SNRPD1: variants seen among roughly 807,000 people sequenced by gnomAD.
SNRPD1 encodes small nuclear ribonucleoprotein D1 polypeptide, also known as small nuclear ribonucleoprotein Sm D1.
A neutral mutation model predicts 14.4 loss-of-function variants in SNRPD1; 1 was observed. That is an observed-to-expected ratio of 0.07 (90% confidence interval 0.02 to 0.33). The LOEUF is 0.33. Ranked by LOEUF, SNRPD1 falls within the 10% of genes least tolerant of loss-of-function variation. The probability of loss-of-function intolerance (pLI) is 1.00; values close to 1 mark genes in which losing one functional copy is unlikely to be tolerated. For missense variants in SNRPD1, 52 were observed against 146.4 expected, an observed-to-expected ratio of 0.36 and a Z score of 3.33; for synonymous variants, 42 against 50.3, an observed-to-expected ratio of 0.83 and a Z score of 0.70.
At chr18:21,617,666 C>A (rs147092283) in intron 1 of SNRPD1, among the ~76,000 whole-genome samples, 243 of 152,264 alleles carry the variant, frequency 1.6e-3, no homozygotes, top group African/African-American at 5.5e-3. Context: ...TGAAAGGAAC[C>A]TGCCTAACTC....
In SNRPD1 at chr18:21,629,598, G is replaced by C. The variant is rs923790738; in HGVS notation, c.*460G>C. ...CAACAGCCGGATTAGTTACAGTTCA[G>C]CGTTTGCCTTATTTGAATATGGTTT... On this transcript the variant is annotated 3_prime_UTR_variant, in exon 4 of 4. Coordinates refer to ENST00000300413, the MANE Select transcript of SNRPD1 (RefSeq NM_006938.4). 20 of 159,460 alleles carry C rather than the reference G, an allele frequency of 1.3e-4. No homozygotes were observed. Among genetic ancestry groups the C allele is most frequent in the Admixed American group, 3.0e-4 (5 of 16,802 alleles). The allele number at this position is 159,460 out of a possible 1,614,324, so 9.9% of individuals were successfully genotyped here. A position where few individuals can be genotyped will look rare whatever the true frequency, so the allele number is the denominator to read the frequency against.
intron 1 of SNRPD1, among the ~76,000 whole-genome samples, chr18:21,618,152 G>A (rs2038971127): frequency 6.6e-6 from 1 of 152,056 alleles, no homozygotes; most frequent in African/African-American, 2.4e-5. Flanking sequence ...GCTGGGTGCA[G>A]TGGCTCACGC....
In SNRPD1 at chr18:21,632,825, TTTTTC is replaced by T. The variant is rs1192639095; in HGVS notation, c.*3717_*3721del. 6,626 of 150,532 alleles carry T rather than the reference TTTTTC, an allele frequency of 0.044. 438 individuals are homozygous for T. The highest frequency in any genetic ancestry group is 0.15 in the African/African-American group (6,071 of 39,442). 9.3% of individuals were successfully genotyped at this position (150,532 alleles called of 1,614,324 possible). On this transcript the variant is annotated 3_prime_UTR_variant, in exon 4 of 4. Coordinates refer to ENST00000300413, the MANE Select transcript of SNRPD1 (RefSeq NM_006938.4). ...AGATGTTACATATGAACTTTAGTTT[TTTTTC>T]TTTTCTTTTCTTTTCTTTTCTTTTC... is the stretch of plus-strand genomic sequence containing the variant.
intron 3 of SNRPD1, among the ~76,000 whole-genome samples, chr18:21,626,249 C>G (rs2039037476): frequency 6.6e-6 from 1 of 151,840 alleles, no homozygotes. Context: ...CAAAAATTAA[C>G]CAGGCATGGT....
intron 3 of SNRPD1, among the ~76,000 whole-genome samples, chr18:21,626,023 G>A (rs2146261625): frequency 6.6e-6 from 1 of 152,222 alleles, no homozygotes; most frequent in South Asian, 2.1e-4. Context: ...AGGTAAGTGT[G>A]GTCAATTTGG....
At chr18:21,613,879 T>C (rs902272199) in intron 1 of SNRPD1, among the ~76,000 whole-genome samples, 2 of 94,794 alleles carry the variant, frequency 2.1e-5, no homozygotes, top group African/African-American at 4.8e-5. Flanking sequence ...AAAAAAAAAA[T>C]TATATTCAGG....
At chr18:21,620,197 G>A (rs1322739762) in intron 1 of SNRPD1, among the ~76,000 whole-genome samples, 5 of 151,988 alleles carry the variant, frequency 3.3e-5, no homozygotes, top group African/African-American at 9.7e-5. Context: ...ATTGTGACCC[G>A]CCCACCTTGG....
chr18:21,620,940 G>T (rs2038992485), intron 1 of SNRPD1, among the ~76,000 whole-genome samples: 1 of 152,040 alleles, frequency 6.6e-6, no homozygotes, highest in Non-Finnish European at 1.5e-5. Flanking sequence ...GAGGCGGGTG[G>T]ATCACGAGGT....
chr18:21,622,011 T>A (rs1406595367), intron 1 of SNRPD1, among the ~76,000 whole-genome samples: 1 of 152,238 alleles, frequency 6.6e-6, no homozygotes, highest in Non-Finnish European at 1.5e-5. Flanking sequence ...TATATATCCT[T>A]CTGAATGCAT....
intron 1 of SNRPD1, among the ~76,000 whole-genome samples, chr18:21,614,542 G>GA (rs1342259462): frequency 2.0e-5 from 3 of 152,108 alleles, no homozygotes; most frequent in African/African-American, 7.2e-5. Context: ...ATTTTCAGTA[G>GA]ATTTATTTCT....
intron 3 of SNRPD1, among the ~76,000 whole-genome samples, chr18:21,626,286 C>T (rs1267165538): frequency 6.7e-5 from 10 of 148,560 alleles, no homozygotes; most frequent in Middle Eastern, 3.5e-3. Context: ...CCCAGCTACT[C>T]GGGTGGCTGA....
intron 1 of SNRPD1, among the ~76,000 whole-genome samples, chr18:21,616,265 G>A (rs554608520): frequency 6.6e-6 from 1 of 152,150 alleles, no homozygotes; most frequent in Non-Finnish European, 1.5e-5. Flanking sequence ...GATTACTGGC[G>A]TGAGCCACTG....
chr18:21,619,742 T>C (rs959636442), intron 1 of SNRPD1, among the ~76,000 whole-genome samples: 3 of 151,180 alleles, frequency 2.0e-5, no homozygotes, highest in African/African-American at 7.2e-5. Context: ...ATCATGCCAC[T>C]GCACTCCAGC....
chr18:21,613,943 A>G (rs1297134249), intron 1 of SNRPD1, among the ~76,000 whole-genome samples: 4 of 151,262 alleles, frequency 2.6e-5, no homozygotes, highest in African/African-American at 9.7e-5. Context: ...TTTTTATTTG[A>G]ACTATAACTT....
chr18:21,624,138 T>C (rs1032549763), intron 3 of SNRPD1, among the ~76,000 whole-genome samples, 199 bp downstream of exon 3: 2 of 152,178 alleles, frequency 1.3e-5, no homozygotes, highest in South Asian at 2.1e-4. Flanking sequence ...CCCAGCACTT[T>C]GGGAGGCCAA....
At position 21,623,721 on chromosome 18, in the gene SNRPD1, TA is replaced by T. The variant is rs760760064; in HGVS notation, c.92-25del. On this transcript the variant is annotated intron_variant, in intron 2 of 3. Coordinates refer to ENST00000300413, the MANE Select transcript of SNRPD1 (RefSeq NM_006938.4). ...GTTGCCTTAACTTGTATCATACTAA[TA>T]ACTGCACAATTATTTTCCTCTTTAG... The T allele has an allele frequency of 2.6e-6, 4 of 1,548,214 alleles. No individual in the cohort carries two copies. The South Asian group carries it at 4.6e-5, about 18-fold the overall frequency.
chr18:21,623,492 A>G (rs2039013335), intron 2 of SNRPD1, among the ~76,000 whole-genome samples: 1 of 152,226 alleles, frequency 6.6e-6, no homozygotes, highest in South Asian at 2.1e-4. Flanking sequence ...AAGCCCAGTC[A>G]GGGTTCTTCC....
Position 21,633,315 on chromosome 18 carries a change from A to G in SNRPD1, c.*4177A>G, listed in dbSNP as rs371368102. The G allele has an allele frequency of 6.6e-6, 1 of 152,232 alleles. No individual in the cohort carries two copies. The highest frequency in any genetic ancestry group is 1.9e-4 in the East Asian group (1 of 5,202). The allele number at this position is 152,232 out of a possible 1,614,324, so 9.4% of individuals were successfully genotyped here. ...TCAGCAAACAATTCATGTATTACCT[A>G]TAATAGATATCATACATATAACATT... On this transcript the variant is annotated 3_prime_UTR_variant, in exon 4 of 4. Transcript: ENST00000300413.
chr18:21,612,352 A>G lies in SNRPD1; in HGVS notation c.-78A>G. On this transcript the variant is annotated 5_prime_UTR_variant, in exon 1 of 4. Coordinates refer to ENST00000300413, the MANE Select transcript of SNRPD1 (RefSeq NM_006938.4). ...GCCCCTGGAGTAGGCGCTTCCGGCC[A>G]TTCATACTGCAGTCGGTCAGTGTTC... 1 of 1,183,532 alleles carries G rather than the reference A, an allele frequency of 8.4e-7. No individual in the cohort carries two copies. Among genetic ancestry groups the G allele is most frequent in the Non-Finnish European group, 1.2e-6 (1 of 854,594 alleles). 73.3% of individuals were successfully genotyped at this position (1,183,532 alleles called of 1,614,324 possible).
Sources: allele counts gnomAD v4.1 joint callset (sites outside exome capture counted in the v4.1 genomes callset), GRCh38; gene constraint gnomAD v4.1.1; transcripts MANE v1.5; gene names NCBI Gene and HGNC (gene_info 2026-07-23, HGNC 2026-07-21).